The following SH3BGR variants were observed in gnomAD, a reference collection of about 807,000 sequenced individuals.
The protein encoded by SH3BGR is SH3 domain binding glutamate rich protein.
A neutral mutation model predicts 24.5 loss-of-function variants in SH3BGR; 29 were observed. That is an observed-to-expected ratio of 1.18 (90% CI 0.88 to 1.61). SH3BGR has a LOEUF of 1.61. Among genes scored for constraint, SH3BGR ranks in the 40% most tolerant of loss-of-function variants. SH3BGR has a pLI of 0.00. For missense variants in SH3BGR, 162 were observed against 205.8 expected (o/e 0.79, Z 1.30); for synonymous variants, 55 against 65.7 (o/e 0.84, Z 0.79).
chr21:39,473,339 T>C (rs2077972459), intron 2 of SH3BGR, among the ~76,000 whole-genome samples: 1 of 152,214 alleles, frequency 6.6e-6, no homozygotes, highest in Non-Finnish European at 1.5e-5. Context: ...CTTTATTACA[T>C]TTCACCAACT....
Position 39,496,632 on chromosome 21 carries a change from AAG to A in SH3BGR, c.313-3189_313-3188del, listed in dbSNP as rs1232717343. 3.3e-5 allele frequency among the ~76,000 whole-genome samples: 5 copies of A among 152,180 alleles called. No individual in the cohort carries two copies. In the East Asian group the frequency reaches 9.6e-4, roughly 29 times the overall value. On this transcript the variant is annotated intron_variant, in intron 3 of 6. Transcript: ENST00000333634. ...GATGGTTTCTTAAGTTTCTAGATGA[AAG>A]AAAAATATACAAAAATTTGTAGGTT... is the stretch of plus-strand genomic sequence containing the variant.
At chr21:39,461,524 C>T (rs930396429) in intron 1 of SH3BGR, among the ~76,000 whole-genome samples, 3 of 152,248 alleles carry the variant, frequency 2.0e-5, no homozygotes, top group East Asian at 1.9e-4. Context: ...CCCCACCACA[C>T]GTGCAGGTTA....
chr21:39,490,411 G>T (rs147964410), intron 3 of SH3BGR, among the ~76,000 whole-genome samples: 1 of 152,310 alleles, frequency 6.6e-6, no homozygotes, highest in South Asian at 2.1e-4. Context: ...TTGCACAGCT[G>T]TTCTGCAGTT....
intron 3 of SH3BGR, among the ~76,000 whole-genome samples, chr21:39,495,867 C>T (rs1466571915): frequency 6.6e-6 from 1 of 152,030 alleles, no homozygotes; most frequent in Non-Finnish European, 1.5e-5. Flanking sequence ...TATTCAGTTG[C>T]CATAATTCAT....
chr21:39,479,224 GGGTGGTGGTGGTGGTGGT>G (rs973677506), intron 3 of SH3BGR, among the ~76,000 whole-genome samples: 3 of 137,584 alleles, frequency 2.2e-5, no homozygotes, highest in Non-Finnish European at 4.5e-5. Flanking sequence ...GAGGTGGTAA[GGGTGGTGGTGGTGGTGGT>G]GGTGGTGGTG....
chr21:39,462,621 G>A, intron 2 of SH3BGR, 61 bp downstream of exon 2: 1 of 1,259,838 alleles, frequency 7.9e-7, no homozygotes. Context: ...ATTTTCTAAA[G>A]CAGATTAAGT....
chr21:39,457,309 T>C (rs1327873253), intron 1 of SH3BGR, among the ~76,000 whole-genome samples: 1 of 143,318 alleles, frequency 7.0e-6, no homozygotes, highest in East Asian at 2.0e-4. Context: ...GTTACATATA[T>C]AAATCTTATT....
At chr21:39,497,758 G>T (rs2078423740) in intron 3 of SH3BGR, among the ~76,000 whole-genome samples, 1 of 152,106 alleles carries the variant, frequency 6.6e-6, no homozygotes, top group Non-Finnish European at 1.5e-5. Context: ...AATGATAAAT[G>T]TATAAGTGAA....
intron 3 of SH3BGR, among the ~76,000 whole-genome samples, chr21:39,486,476 A>G (rs188930205): frequency 1.3e-4 from 20 of 152,346 alleles, no homozygotes; most frequent in Admixed American, 2.6e-4. Flanking sequence ...TACCAAGCAT[A>G]TGATAAGAAT....
At chr21:39,449,352 C>T (rs992133798), upstream of SH3BGR, among the ~76,000 whole-genome samples, 3 of 152,182 alleles carry the variant, frequency 2.0e-5, no homozygotes, top group African/African-American at 4.8e-5. Context: ...TTCCTTCCTC[C>T]GTGGATCTCC....
chr21:39,469,676 G>A (rs1374028707), intron 2 of SH3BGR, among the ~76,000 whole-genome samples: 3 of 149,836 alleles, frequency 2.0e-5, no homozygotes, highest in Non-Finnish European at 4.4e-5. Context: ...TTTTTGAGAC[G>A]GAGTTTTGCT....
chr21:39,499,905 A>G lies in SH3BGR; in HGVS notation c.395A>G (p.Gln132Arg). 1 of 1,612,216 alleles carries G rather than the reference A, an allele frequency of 6.2e-7. No homozygotes were observed. Among genetic ancestry groups the G allele is most frequent in the Non-Finnish European group, 8.5e-7 (1 of 1,178,424 alleles). ...SEDVGNLPEAQEKNEEEGETA... is the reference protein window; with the variant it reads ...SEDVGNLPEAREKNEEEGETA... Reference sequence around the variant, plus strand: ...GATGTGGGCAACCTCCCTGAAGCCCAGGAGAAGAATGTGAGTTTTCGCTTT... The same window carrying G: ...GATGTGGGCAACCTCCCTGAAGCCCGGGAGAAGAATGTGAGTTTTCGCTTT... Residue 132 changes from glutamine (Q) to arginine (R), a missense_variant, in exon 4 of 7, where the codon CAG (glutamine) becomes CGG (arginine). Coordinates refer to ENST00000333634, the MANE Select transcript of SH3BGR (RefSeq NM_007341.3).
upstream of SH3BGR, among the ~76,000 whole-genome samples, chr21:39,447,414 T>C (rs1404812526): frequency 6.8e-6 from 1 of 146,308 alleles, no homozygotes; most frequent in Non-Finnish European, 1.5e-5. Context: ...CTTTCGCTTT[T>C]GCTTTTTTTT....
chr21:39,499,424 T>C (rs1381001522), intron 3 of SH3BGR, among the ~76,000 whole-genome samples: 1 of 152,202 alleles, frequency 6.6e-6, no homozygotes, highest in Non-Finnish European at 1.5e-5. Context: ...TATCCATCTA[T>C]GTATGTTTAC....
chr21:39,475,385 A>G (rs1233230329), intron 3 of SH3BGR, among the ~76,000 whole-genome samples, 170 bp downstream of exon 3: 1 of 152,188 alleles, frequency 6.6e-6, no homozygotes, highest in African/African-American at 2.4e-5. Context: ...GTTTTTACTA[A>G]AAAAAGTTCC....
intron 3 of SH3BGR, among the ~76,000 whole-genome samples, chr21:39,475,751 T>C (rs1002388335): frequency 3.3e-5 from 5 of 152,208 alleles, no homozygotes; most frequent in African/African-American, 2.4e-5. Flanking sequence ...TTATGTATAA[T>C]TAAATAGAGA....
intron 3 of SH3BGR, among the ~76,000 whole-genome samples, chr21:39,481,308 A>G (rs2078127376): frequency 6.6e-6 from 1 of 152,192 alleles, no homozygotes; most frequent in South Asian, 2.1e-4. Context: ...TCAAAAACAA[A>G]CAAAAACAAA....
Position 39,462,497 on chromosome 21 carries a change from G to T in SH3BGR, c.168G>T (p.Glu56Asp), listed in dbSNP as rs766817138. Residue 56 changes from glutamate to aspartate, a missense_variant, in exon 2 of 7, where the codon GAG (glutamate) becomes GAT (aspartate). Physicochemically the swap from Glu to Asp is conservative, Grantham distance 45. Coordinates refer to ENST00000333634, the MANE Select transcript of SH3BGR (RefSeq NM_007341.3). ...RRWMRENVPGEKKPQNGIPLP... is the reference protein window; with the variant it reads ...RRWMRENVPGDKKPQNGIPLP... ...GGATGAGAGAGAATGTTCCTGGAGA[G>T]AAAAAACCTCAAAATGGGATTCCTT... 6.2e-7 allele frequency: 1 copy of T among 1,608,472 alleles called. No individual in the cohort carries two copies. The highest frequency in any genetic ancestry group is 8.5e-7 in the Non-Finnish European group (1 of 1,178,804).
intron 4 of SH3BGR, among the ~76,000 whole-genome samples, chr21:39,500,725 A>C (rs1262376618): frequency 6.6e-6 from 1 of 152,140 alleles, no homozygotes; most frequent in Non-Finnish European, 1.5e-5. Flanking sequence ...TGGTTTGCTA[A>C]TTTATTTATT....
Sources: gnomAD v4.1 joint callset for allele counts (sites outside exome capture counted in the v4.1 genomes callset) on GRCh38, gnomAD v4.1.1 for gene constraint, MANE v1.5 for transcripts, NCBI Gene and HGNC (gene_info 2026-07-23, HGNC 2026-07-21) for gene names.